The following PPP2R2B variants were observed in gnomAD, a reference collection of about 807,000 sequenced individuals.
The protein encoded by PPP2R2B is protein phosphatase 2 regulatory subunit Bbeta.
In PPP2R2B, 5 loss-of-function variants were observed where a neutral mutation model predicts 46.0. The observed-to-expected ratio is 0.11, with a 90% confidence interval of 0.06 to 0.23. The LOEUF is 0.23. Among genes scored for constraint, PPP2R2B ranks in the 10% least tolerant of loss-of-function variants. The pLI is 1.00. For synonymous variants in PPP2R2B, 215 were observed against 206.7 expected, an observed-to-expected ratio of 1.04 and a Z score of -0.34; for missense variants, 367 against 575.0, an observed-to-expected ratio of 0.64 and a Z score of 3.70.
chr5:146,850,073 C>A (rs950909485), intron 2 of PPP2R2B, among the ~76,000 whole-genome samples: 3 of 152,152 alleles, frequency 2.0e-5, no homozygotes, highest in African/African-American at 7.2e-5. Context: ...TAATGTGACA[C>A]TCTGCATTAA....
intron 2 of PPP2R2B, among the ~76,000 whole-genome samples, chr5:147,077,264 G>A: frequency 8.1e-6 from 1 of 123,274 alleles, no homozygotes; most frequent in African/African-American, 3.2e-5. Flanking sequence ...ATACATATAT[G>A]TATGTGTGTA....
At chr5:146,759,774 T>G (rs1754048102) in intron 2 of PPP2R2B, among the ~76,000 whole-genome samples, 2 of 152,084 alleles carry the variant, frequency 1.3e-5, no homozygotes, top group Non-Finnish European at 2.9e-5. Flanking sequence ...TTTTTTCATT[T>G]GTGACGGAGG....
At chr5:146,763,197 G>A (rs780369490) in intron 2 of PPP2R2B, among the ~76,000 whole-genome samples, 23 of 152,178 alleles carry the variant, frequency 1.5e-4, no homozygotes, top group African/African-American at 5.3e-4. Context: ...TTTGCTCCAC[G>A]ACCTGCTCAG....
intron 2 of PPP2R2B, among the ~76,000 whole-genome samples, chr5:146,860,446 C>T (rs77686828): frequency 6.6e-6 from 1 of 152,152 alleles, no homozygotes; most frequent in Non-Finnish European, 1.5e-5. Flanking sequence ...AGAAAACACA[C>T]CACACTTTCT....
intron 2 of PPP2R2B, among the ~76,000 whole-genome samples, chr5:147,070,486 G>A (rs1004693509): frequency 3.3e-5 from 5 of 152,164 alleles, no homozygotes; most frequent in Non-Finnish European, 7.4e-5. Context: ...TTAACTAATA[G>A]CATAGGCAGT....
Position 146,976,441 on chromosome 5 carries a change from G to A in PPP2R2B, c.79+79224C>T, listed in dbSNP as rs186302963. On this transcript the variant is annotated intron_variant, in intron 1 of 8. Transcript: ENST00000336640. ...CAGAAGCCACCATGCCCGGCCAACA[G>A]TTTTATAGTTTTATGTTTTCCATTT... Among the ~76,000 whole-genome samples the A allele has an allele frequency of 1.3e-4, 20 of 152,102 alleles. No homozygotes were observed. In the East Asian group the frequency reaches 3.7e-3, roughly 28 times the overall value.
intron 2 of PPP2R2B, among the ~76,000 whole-genome samples, chr5:146,735,555 T>C (rs1404324714): frequency 6.6e-6 from 1 of 152,162 alleles, no homozygotes; most frequent in Non-Finnish European, 1.5e-5. Context: ...GAGCAGGTTT[T>C]ATATGATTAA....
At chr5:147,009,036 A>G (rs970410032) in intron 1 of PPP2R2B, among the ~76,000 whole-genome samples, 6 of 152,298 alleles carry the variant, frequency 3.9e-5, no homozygotes, top group Admixed American at 2.6e-4. Context: ...AATGATCACC[A>G]TAAAATCCAT....
chr5:146,675,150 C>T (rs322992), intron 5 of PPP2R2B, among the ~76,000 whole-genome samples: 109,649 of 151,800 alleles, frequency 0.72, 42,265 homozygotes, highest in Non-Finnish European at 0.86. Flanking sequence ...TTAGTAGAGA[C>T]GGGATTTCAC....
chr5:146,668,918 T>A (rs1410694762), intron 5 of PPP2R2B, among the ~76,000 whole-genome samples: 1 of 152,180 alleles, frequency 6.6e-6, no homozygotes, highest in East Asian at 1.9e-4. Context: ...GACTGTAGAC[T>A]CCATTAATTC....
chr5:146,778,965 A>C (rs1296776386), intron 2 of PPP2R2B, among the ~76,000 whole-genome samples: 1 of 152,222 alleles, frequency 6.6e-6, no homozygotes, highest in African/African-American at 2.4e-5. Context: ...CTGATCAGAA[A>C]ACATTTAATG....
chr5:146,879,832 TC>T (rs1240467370), upstream of PPP2R2B, among the ~76,000 whole-genome samples: 1 of 152,202 alleles, frequency 6.6e-6, no homozygotes, highest in Non-Finnish European at 1.5e-5. Flanking sequence ...AAACGACATT[TC>T]CTAGGTTTCA....
At chr5:147,021,229 C>T (rs944397916) in intron 1 of PPP2R2B, among the ~76,000 whole-genome samples, 1 of 152,080 alleles carries the variant, frequency 6.6e-6, no homozygotes, top group Non-Finnish European at 1.5e-5. Context: ...GACTTAATTG[C>T]TCTTTCAGTT....
chr5:146,723,528 A>G (rs1464183744), intron 2 of PPP2R2B, among the ~76,000 whole-genome samples: 1 of 152,180 alleles, frequency 6.6e-6, no homozygotes, highest in Non-Finnish European at 1.5e-5. Context: ...TATAAAAGTC[A>G]TTAAGCTGAA....
At chr5:146,903,528 C>G (rs151012066) in intron 1 of PPP2R2B, among the ~76,000 whole-genome samples, 1 of 151,262 alleles carries the variant, frequency 6.6e-6, no homozygotes, top group African/African-American at 2.4e-5. Flanking sequence ...CCTGAGTAGC[C>G]GGGACTATAG....
intron 2 of PPP2R2B, among the ~76,000 whole-genome samples, chr5:146,807,981 A>C (rs1032083818): frequency 2.6e-5 from 4 of 151,088 alleles, no homozygotes; most frequent in Non-Finnish European, 5.9e-5. Context: ...TTGTATTTTT[A>C]GTAGAGACAG....
intron 8 of PPP2R2B, among the ~76,000 whole-genome samples, chr5:146,598,481 A>G (rs576787799): frequency 6.6e-6 from 1 of 152,338 alleles, no homozygotes; most frequent in South Asian, 2.1e-4. Context: ...TGTGAGTGTC[A>G]GATTTATATC....
At chr5:146,619,173 T>C (rs776212311) in intron 7 of PPP2R2B, among the ~76,000 whole-genome samples, 1 of 151,920 alleles carries the variant, frequency 6.6e-6, no homozygotes, top group Non-Finnish European at 1.5e-5. Flanking sequence ...GACACATTCA[T>C]GGGTAGCAAT....
At chr5:146,864,726 A>T (rs1009923585) in intron 2 of PPP2R2B, among the ~76,000 whole-genome samples, 1 of 152,212 alleles carries the variant, frequency 6.6e-6, no homozygotes, top group African/African-American at 2.4e-5. Flanking sequence ...GGGTCGAAGT[A>T]CCTGGAGCTT....
Sources: gnomAD v4.1 joint callset for allele counts (sites outside exome capture counted in the v4.1 genomes callset) on GRCh38, gnomAD v4.1.1 for gene constraint, MANE v1.5 for transcripts, NCBI Gene and HGNC (gene_info 2026-07-23, HGNC 2026-07-21) for gene names.